LRRC9: variants seen among roughly 807,000 people sequenced by gnomAD.
LRRC9 encodes the protein leucine rich repeat containing 9.
Under a neutral mutation model 63.2 loss-of-function variants are expected in LRRC9, and 122 were observed. The ratio of observed to expected loss-of-function variants is 1.93; its 90% CI spans 1.67 to 2.24. The LOEUF (loss-of-function observed/expected upper bound fraction) is 2.24. LRRC9 is among the 30% of genes most tolerant of loss of function. The probability of loss-of-function intolerance (pLI) is 0.00; values close to 1 mark genes in which losing one functional copy is unlikely to be tolerated. For synonymous variants in LRRC9, 366 were observed against 213.1 expected, an observed-to-expected ratio of 1.72 and a Z score of -6.25; for missense variants, 1,071 against 627.7, an observed-to-expected ratio of 1.71 and a Z score of -7.55.
intron 8 of LRRC9, among the ~76,000 whole-genome samples, chr14:59,956,855 C>CT (rs1403699794): frequency 6.6e-6 from 1 of 152,178 alleles, no homozygotes; most frequent in Non-Finnish European, 1.5e-5. Flanking sequence ...GTTTGCTTGT[C>CT]TGTAAAGGAT....
In LRRC9 at chr14:59,936,320, T is replaced by G. The variant is rs561587596; in HGVS notation, c.544-2070T>G. ...CATTGAACGTGATTCACAGGAAGTT[T>G]TACTATCTTCATATTAAAAATGTTC... On this transcript the variant is annotated intron_variant, in intron 6 of 31. Coordinates refer to ENST00000445360, the Ensembl canonical transcript of LRRC9. This position sits in a 1 kb window ranked among gnomAD's most constrained non-coding sequence, Gnocchi z 4.2. 3.2e-4 allele frequency among the ~76,000 whole-genome samples: 49 copies of G among 152,280 alleles called. 1 individual carries two copies. Among genetic ancestry groups the G allele is most frequent in the Middle Eastern group, 3.4e-3 (1 of 294 alleles).
intron 16 of LRRC9, 67 bp from the exon 17 acceptor site, chr14:59,985,038 C>A: frequency 2.0e-6 from 1 of 491,200 alleles, no homozygotes; most frequent in Middle Eastern, 5.1e-4. Context: ...TTTTACATAT[C>A]CACACTTCAG....
At chr14:60,057,622 A>G (rs1158801723) in intron 30 of LRRC9, 1 of 227,202 alleles carries the variant, frequency 4.4e-6, no homozygotes, top group Non-Finnish European at 8.5e-6. Flanking sequence ...GCCATTAAGC[A>G]CTAGATTCTA....
chr14:60,019,276 TTTATGA>T lies in LRRC9; in HGVS notation c.3566+21_3566+26del, dbSNP rs1230893369. The T allele has an allele frequency of 8.9e-6, 6 of 677,294 alleles. No homozygotes were observed. In the Admixed American group the frequency reaches 1.4e-4, roughly 15 times the overall value. The allele number at this position is 677,294 out of a possible 1,614,324, so 42.0% of individuals were successfully genotyped here. ...AAACAAACAGGTAGTATTCTTTATT[TTTATGA>T]TTATAACTAATTTTGGCTGGGAATT... On this transcript the variant is annotated intron_variant, in intron 26 of 31. Coordinates refer to ENST00000445360, the Ensembl canonical transcript of LRRC9.
At chr14:60,033,553 TGTTAATATGGTAAATTAC>T (rs2140336419) in intron 29 of LRRC9, among the ~76,000 whole-genome samples, 1 of 152,290 alleles carries the variant, frequency 6.6e-6, no homozygotes, top group African/African-American at 2.4e-5. Context: ...CTCTTTAATC[TGTTAATATGGTAAATTAC>T]GTTAATAGAC....
chr14:59,984,505 C>A (rs572301242), intron 16 of LRRC9, among the ~76,000 whole-genome samples: 1 of 152,274 alleles, frequency 6.6e-6, no homozygotes, highest in Non-Finnish European at 1.5e-5. Context: ...CAGGATCTCT[C>A]CTTTAGTATA....
At position 59,964,189 on chromosome 14, in the gene LRRC9, A is replaced by T. The variant is rs1404948831; in HGVS notation, c.1212-2400A>T. Among the ~76,000 whole-genome samples the T allele has an allele frequency of 6.6e-6, 1 of 152,216 alleles. No individual in the cohort carries two copies. Among genetic ancestry groups the T allele is most frequent in the East Asian group, 1.9e-4 (1 of 5,184 alleles). ...AGAGTCTGAATGTAATTTGGAAGGTAACAAATGGCTGCAAAGGCTTTTGTT... is the reference window on the plus strand; with the variant it reads ...AGAGTCTGAATGTAATTTGGAAGGTTACAAATGGCTGCAAAGGCTTTTGTT... On this transcript the variant is annotated intron_variant, in intron 10 of 31. Transcript: ENST00000445360. The surrounding 1 kb of genome is among the most constrained non-coding windows in gnomAD (Gnocchi z 4.4).
In LRRC9 at chr14:59,929,852, T is replaced by A. The variant is rs534963928; in HGVS notation, c.268-1066T>A. 3.3e-5 allele frequency among the ~76,000 whole-genome samples: 5 copies of A among 152,098 alleles called. No individual in the cohort carries two copies. The South Asian group carries it at 1.0e-3, about 32-fold the overall frequency. The stretch of plus-strand genomic sequence containing the variant: ...GAAAAGCAAATACCACCTGTTCTCA[T>A]TTAGAAGTGGGAGCTAAATGATGAT... On this transcript the variant is annotated intron_variant, in intron 3 of 31. Transcript: ENST00000445360.
intron 27 of LRRC9, among the ~76,000 whole-genome samples, chr14:60,024,734 T>A (rs1891387002): frequency 1.3e-5 from 2 of 152,208 alleles, no homozygotes; most frequent in East Asian, 3.9e-4. Context: ...CATGGTATTA[T>A]GTACTAGTGG....
At chr14:59,972,024 C>T (rs984379275) in intron 12 of LRRC9, among the ~76,000 whole-genome samples, 5 of 152,296 alleles carry the variant, frequency 3.3e-5, no homozygotes, top group Middle Eastern at 3.4e-3. Flanking sequence ...CTCTGCCTGG[C>T]ATTGAAGGCC....
chr14:59,979,371 C>A (rs1011687603), intron 15 of LRRC9, among the ~76,000 whole-genome samples: 1 of 152,190 alleles, frequency 6.6e-6, no homozygotes, highest in African/African-American at 2.4e-5. Flanking sequence ...GTAATCCCAG[C>A]ACTTTGGGAG....
chr14:59,945,967 C>A (rs1270429957), intron 8 of LRRC9, among the ~76,000 whole-genome samples: 1 of 151,588 alleles, frequency 6.6e-6, no homozygotes, highest in Non-Finnish European at 1.5e-5. Context: ...ACACTAGATA[C>A]CACTTATGGA....
intron 28 of LRRC9, among the ~76,000 whole-genome samples, chr14:60,029,195 T>C (rs1891794381): frequency 6.6e-6 from 1 of 152,104 alleles, no homozygotes; most frequent in African/African-American, 2.4e-5. Flanking sequence ...CAAAAAAGAC[T>C]GTCAAATCAG....
downstream of LRRC9, among the ~76,000 whole-genome samples, chr14:60,065,943 C>T (rs955672043): frequency 1.3e-5 from 2 of 151,812 alleles, no homozygotes; most frequent in African/African-American, 2.4e-5. Flanking sequence ...AAATTAACTG[C>T]GATTAATTGT....
intron 7 of LRRC9, among the ~76,000 whole-genome samples, chr14:59,940,451 T>C (rs747429355): frequency 1.6e-4 from 24 of 152,114 alleles, no homozygotes; most frequent in Non-Finnish European, 2.8e-4. Flanking sequence ...GACTGTGAAC[T>C]AGTTTGTGTA....
At chr14:60,043,428 G>C (rs1893123871) in intron 29 of LRRC9, among the ~76,000 whole-genome samples, 1 of 152,094 alleles carries the variant, frequency 6.6e-6, no homozygotes, top group Admixed American at 6.5e-5. Context: ...GCTAGTCATA[G>C]GTTTGTCACA....
rs1289986979 is a variant in LRRC9, at chr14:59,964,294, G to T, written c.1212-2295G>T. Among the ~76,000 whole-genome samples, 3 of 152,200 alleles carry T rather than the reference G, an allele frequency of 2.0e-5. No homozygotes were observed. The highest frequency in any genetic ancestry group is 1.9e-4 in the East Asian group (1 of 5,186). ...ATAGTTTTAGACTATCATAACTTCTGTTCAACTCTTTTAAAGTCAGCTGAA... is the reference window on the plus strand; with the variant it reads ...ATAGTTTTAGACTATCATAACTTCTTTTCAACTCTTTTAAAGTCAGCTGAA... On this transcript the variant is annotated intron_variant, in intron 10 of 31. Transcript: ENST00000445360. The surrounding 1 kb of genome is among the most constrained non-coding windows in gnomAD (Gnocchi z 4.4).
In LRRC9 at chr14:59,938,259, T is replaced by C. The variant is rs975572693; in HGVS notation, c.544-131T>C. 22 of 464,556 alleles carry C rather than the reference T, an allele frequency of 4.7e-5. 1 individual carries two copies. The Admixed American group carries it at 5.4e-4, about 11-fold the overall frequency. 28.8% of individuals were successfully genotyped at this position (464,556 alleles called of 1,614,324 possible). ...TCAATAGAGAGAAACATTTTAGGCA[T>C]CTAAATCACTTTAATGTATTTAAGC... On this transcript the variant is annotated intron_variant, in intron 6 of 31. Coordinates refer to ENST00000445360, the Ensembl canonical transcript of LRRC9. The surrounding 1 kb of genome is among the most constrained non-coding windows in gnomAD (Gnocchi z 4.2).
At chr14:60,010,052 A>G (rs1890134343) in intron 23 of LRRC9, among the ~76,000 whole-genome samples, 1 of 152,120 alleles carries the variant, frequency 6.6e-6, no homozygotes, top group South Asian at 2.1e-4. Flanking sequence ...TTCCAGGTGC[A>G]CGGTGCAAGC....
Sources: gnomAD v4.1 joint callset for allele counts (sites outside exome capture counted in the v4.1 genomes callset) on GRCh38, gnomAD v4.1.1 for gene constraint, Gnocchi (gnomAD v3.1) non-coding constraint, MANE v1.5 for transcripts, NCBI Gene and HGNC (gene_info 2026-07-23, HGNC 2026-07-21) for gene names.